IGSF21: variants seen among roughly 807,000 people sequenced by gnomAD.
IGSF21 encodes the protein immunoglobin superfamily member 21, also known as immunoglobulin superfamily member 21.
IGSF21 carries 28 observed loss-of-function variants against 46.8 expected under a neutral mutation model. The observed-to-expected ratio is 0.60, with a 90% CI of 0.44 to 0.82. The LOEUF (loss-of-function observed/expected upper bound fraction) is 0.82. Among genes scored for constraint, IGSF21 ranks in the 40% least tolerant of loss-of-function variants. The pLI is 0.00. For missense variants in IGSF21, 624 were observed against 665.5 expected (o/e 0.94, Z 0.69); for synonymous variants, 284 against 273.6 (o/e 1.04, Z -0.38).
chr1:18,330,091 C>G (rs553404486), intron 3 of IGSF21, among the ~76,000 whole-genome samples: 1 of 152,344 alleles, frequency 6.6e-6, no homozygotes, highest in East Asian at 1.9e-4. Context: ...CTCACCCTCA[C>G]CCCCCTCGGG....
chr1:18,364,527 A>C (rs938741347), intron 5 of IGSF21, among the ~76,000 whole-genome samples: 1 of 151,762 alleles, frequency 6.6e-6, no homozygotes, highest in African/African-American at 2.4e-5. Context: ...AGATTTATTA[A>C]AAATACATCC....
intron 1 of IGSF21, among the ~76,000 whole-genome samples, chr1:18,149,622 G>T: frequency 6.6e-6 from 1 of 150,446 alleles, no homozygotes; most frequent in African/African-American, 2.4e-5. Context: ...AGGCCAGCCT[G>T]ACAGCTTGGC....
rs1057329880 is a variant in IGSF21, at chr1:18,152,583, G to A, written c.70+44385G>A. Among the ~76,000 whole-genome samples, 75 of 152,106 alleles carry A rather than the reference G, an allele frequency of 4.9e-4. 1 individual carries two copies. Among genetic ancestry groups the A allele is most frequent in the Non-Finnish European group, 1.1e-3 (73 of 68,016 alleles). On this transcript the variant is annotated intron_variant, in intron 1 of 9. Coordinates refer to ENST00000251296, the MANE Select transcript of IGSF21 (RefSeq NM_032880.5). ...ATCTGCAAAGTGAGACCAGGCATCC[G>A]AACCTTTGCAGGGTGGTTGGGACCT...
chr1:18,330,555 GGGC>G (rs2085702026), intron 3 of IGSF21, among the ~76,000 whole-genome samples: 1 of 148,892 alleles, frequency 6.7e-6, no homozygotes, highest in African/African-American at 2.5e-5. Context: ...CTGGAGGAAG[GGGC>G]AGGGGCGTGG....
Position 18,237,409 on chromosome 1 carries a change from G to A in IGSF21, c.183+9399G>A, listed in dbSNP as rs9662434. ...GCCCATCATCAAGTTGTTAAGTTCT[G>A]TTTCATCACCTGGCCAATGGGCTTG... is the stretch of plus-strand genomic sequence containing the variant. On this transcript the variant is annotated intron_variant, in intron 2 of 9. Coordinates refer to ENST00000251296, the MANE Select transcript of IGSF21 (RefSeq NM_032880.5). Among the ~76,000 whole-genome samples, 700 of 152,250 alleles carry A rather than the reference G, an allele frequency of 4.6e-3. 4 individuals are homozygous for A. The highest frequency in any genetic ancestry group is 0.016 in the African/African-American group (661 of 41,538).
chr1:18,232,996 G>A (rs781513171), intron 2 of IGSF21, among the ~76,000 whole-genome samples: 1 of 152,166 alleles, frequency 6.6e-6, no homozygotes, highest in Non-Finnish European at 1.5e-5. Context: ...GTTGGAGGCC[G>A]CCTGCCCAGC....
chr1:18,234,253 GC>G (rs1285597200), intron 2 of IGSF21, among the ~76,000 whole-genome samples: 1 of 152,160 alleles, frequency 6.6e-6, no homozygotes, highest in Non-Finnish European at 1.5e-5. Context: ...AACCCAACTT[GC>G]CTTGTCTAGG....
intron 4 of IGSF21, among the ~76,000 whole-genome samples, chr1:18,341,868 CT>C (rs2085845193): frequency 6.6e-6 from 1 of 152,150 alleles, no homozygotes; most frequent in Admixed American, 6.5e-5. Context: ...ATGAAGTAGA[CT>C]TTTGGAACCT....
At chr1:18,265,806 G>A (rs530660859) in intron 2 of IGSF21, among the ~76,000 whole-genome samples, 44 of 152,300 alleles carry the variant, frequency 2.9e-4, no homozygotes, top group Non-Finnish European at 5.1e-4. Flanking sequence ...CATTTCCTAG[G>A]CAAGCCCGCT....
At chr1:18,189,350 G>T (rs193190168) in intron 1 of IGSF21, among the ~76,000 whole-genome samples, 234 of 152,224 alleles carry the variant, frequency 1.5e-3, no homozygotes, top group African/African-American at 5.3e-3. Context: ...CATTGTGCTG[G>T]GCACCATGGT....
chr1:18,316,750 TAATAGTACATA>T (rs2085546778), intron 3 of IGSF21, among the ~76,000 whole-genome samples: 1 of 152,076 alleles, frequency 6.6e-6, no homozygotes, highest in Non-Finnish European at 1.5e-5. Context: ...AGGATGAGAG[TAATAGTACATA>T]ATATAGTCAT....
chr1:18,308,416 A>G (rs1361172839), intron 3 of IGSF21, among the ~76,000 whole-genome samples: 2 of 152,276 alleles, frequency 1.3e-5, no homozygotes, highest in East Asian at 3.9e-4. Flanking sequence ...CGGCGGGATG[A>G]TTGGGTCATA....
chr1:18,342,007 A>T (rs11260984), intron 4 of IGSF21, among the ~76,000 whole-genome samples: 1 of 150,936 alleles, frequency 6.6e-6, no homozygotes, highest in Non-Finnish European at 1.5e-5. Context: ...GTCTTTTTTC[A>T]GTATGTTCTA....
intron 2 of IGSF21, among the ~76,000 whole-genome samples, chr1:18,246,974 G>A (rs2084790616): frequency 6.6e-6 from 1 of 152,018 alleles, no homozygotes; most frequent in Non-Finnish European, 1.5e-5. Context: ...ACTACAAGTA[G>A]CTCCATTGTA....
intron 4 of IGSF21, among the ~76,000 whole-genome samples, chr1:18,339,561 G>C (rs1448096738): frequency 6.6e-6 from 1 of 152,072 alleles, no homozygotes; most frequent in African/African-American, 2.4e-5. Context: ...GCGAAATCCC[G>C]TTTCTACAAA....
intron 3 of IGSF21, among the ~76,000 whole-genome samples, chr1:18,318,434 C>T (rs2085565329): frequency 1.3e-5 from 2 of 151,686 alleles, no homozygotes; most frequent in Non-Finnish European, 2.9e-5. Flanking sequence ...CTTGTCTCCA[C>T]TGATAGGGTG....
intron 3 of IGSF21, among the ~76,000 whole-genome samples, chr1:18,304,725 A>G (rs2085394753): frequency 2.1e-5 from 1 of 46,818 alleles, no homozygotes; most frequent in Non-Finnish European, 3.9e-5. Context: ...ACACACACAC[A>G]CACATACACA....
intron 1 of IGSF21, among the ~76,000 whole-genome samples, chr1:18,155,559 G>T (rs1054694189): frequency 6.6e-6 from 1 of 152,242 alleles, no homozygotes; most frequent in Non-Finnish European, 1.5e-5. Context: ...CTGAGCTCAC[G>T]AAGGGGAAGA....
chr1:18,263,909 A>G (rs756415891), intron 2 of IGSF21, among the ~76,000 whole-genome samples: 3 of 152,234 alleles, frequency 2.0e-5, no homozygotes, highest in Admixed American at 6.5e-5. Flanking sequence ...ATGCTGGTGC[A>G]TTTAATATCT....
Sources: allele counts gnomAD v4.1 joint callset (sites outside exome capture counted in the v4.1 genomes callset), GRCh38; gene constraint gnomAD v4.1.1; transcripts MANE v1.5; gene names NCBI Gene and HGNC (gene_info 2026-07-23, HGNC 2026-07-21).